The following POM121 variants were observed in gnomAD, a reference collection of about 807,000 sequenced individuals.
POM121 encodes POM121 transmembrane nucleoporin.
In POM121, 32 loss-of-function variants were observed where a neutral mutation model predicts 81.3. The observed-to-expected ratio is 0.39, with a 90% CI of 0.30 to 0.53. The LOEUF is 0.53. Ranked by LOEUF, POM121 falls within the 20% of genes least tolerant of loss-of-function variation. The probability of loss-of-function intolerance (pLI) is 0.66; values close to 1 mark genes in which losing one functional copy is unlikely to be tolerated. For synonymous variants in POM121, 514 were observed against 694.2 expected, an observed-to-expected ratio of 0.74 and a Z score of 4.08; for missense variants, 1,138 against 1,614.6, an observed-to-expected ratio of 0.70 and a Z score of 5.06.
chr7:72,909,639 G>A (rs1179531281), intron 3 of POM121, among the ~76,000 whole-genome samples: 2 of 152,120 alleles, frequency 1.3e-5, no homozygotes, highest in Non-Finnish European at 2.9e-5. Flanking sequence ...GCAACCCAGA[G>A]GCCAATTTGT....
upstream of POM121, among the ~76,000 whole-genome samples, chr7:72,922,019 C>T (rs571757225): frequency 4.7e-4 from 72 of 152,248 alleles, 1 homozygote; most frequent in Non-Finnish European, 8.2e-4. Flanking sequence ...ATATCCACAA[C>T]GGCATGAGTT....
upstream of POM121, chr7:72,924,414 A>C (rs1286492480): frequency 6.6e-6 from 1 of 152,226 alleles, no homozygotes; most frequent in African/African-American, 2.4e-5. Context: ...TTGGCAGACT[A>C]CCAGACTTTT....
chr7:72,925,115 A>T lies in POM121; in HGVS notation c.-7A>T. ...TATTTAAGTCTCCTCCGCGGCGCGG[A>T]GCCGCGATGTCTCCGGCGGCTGCGG... is the stretch of plus-strand genomic sequence containing the variant. On this transcript the variant is annotated 5_prime_UTR_variant, in exon 1 of 13. Transcript: ENST00000434423. The T allele has an allele frequency of 7.1e-7, 1 of 1,402,468 alleles. No individual in the cohort carries two copies. The highest frequency in any genetic ancestry group is 9.2e-7 in the Non-Finnish European group (1 of 1,089,980). 86.9% of individuals were successfully genotyped at this position (1,402,468 alleles called of 1,614,324 possible). A position where few individuals can be genotyped will look rare whatever the true frequency, so the allele number is the denominator to read the frequency against.
rs1184581226 is a variant in POM121 at position 72,926,650 on chromosome 7, A to G, written c.861-152A>G. On this transcript the variant is annotated intron_variant, in intron 2 of 12. Coordinates refer to ENST00000434423, the MANE Select transcript of POM121 (RefSeq NM_001387691.1). ...TTTTTCACTTTTTGCTCTTAACGAA[A>G]AAGTAGCTTTACTTGCTAACGGGAA... The G allele has an allele frequency of 4.5e-5, 66 of 1,470,008 alleles. No individual in the cohort carries two copies. The African/African-American group carries it at 5.8e-4, about 13-fold the overall frequency. 91.1% of individuals were successfully genotyped at this position (1,470,008 alleles called of 1,614,324 possible). A position where few individuals can be genotyped will look rare whatever the true frequency, so the allele number is the denominator to read the frequency against.
Position 72,930,060 on chromosome 7 carries a change from C to T in POM121, c.1224C>T (p.Ser408=). ...TGAYASGIPS[S]SRNAITSSYS... Reference sequence around the variant, plus strand: ...CTTACGCAAGTGGCATCCCTAGCTCCAGCCGCAATGCCATTACCAGTTCCT... The same window carrying T: ...CTTACGCAAGTGGCATCCCTAGCTCTAGCCGCAATGCCATTACCAGTTCCT... The change falls in exon 5 of 13, where the codon TCC becomes TCT. Residue 408 remains serine (S), a synonymous_variant. Transcript: ENST00000434423. 6 of 1,613,982 alleles carry T rather than the reference C, an allele frequency of 3.7e-6. No homozygotes were observed. Among genetic ancestry groups the T allele is most frequent in the Non-Finnish European group, 5.1e-6 (6 of 1,179,862 alleles).
chr7:72,899,019 G>C lies in POM121; in HGVS notation c.-216+7909G>C, dbSNP rs1314967938. 3.1e-5 allele frequency among the ~76,000 whole-genome samples: 3 copies of C among 97,952 alleles called. No individual in the cohort carries two copies. In the East Asian group the frequency reaches 1.1e-3, roughly 35 times the overall value. The allele number at this position is 97,952 out of a possible 152,430, so 64.3% of individuals were successfully genotyped here. A position where few individuals can be genotyped will look rare whatever the true frequency, so the allele number is the denominator to read the frequency against. On this transcript the variant is annotated intron_variant, in intron 3 of 15. Transcript: ENST00000395270. ...TTTTTTTTTTTTAGACAGAGTCTCT[G>C]TTGCCCAGGTTGGGGTGGAGTTGTG...
intron 3 of POM121, among the ~76,000 whole-genome samples, chr7:72,898,492 A>T (rs1554492054): frequency 6.6e-6 from 1 of 152,116 alleles, no homozygotes; most frequent in Non-Finnish European, 1.5e-5. Flanking sequence ...TGAGATTGAG[A>T]TGAAGATAAA....
intron 4 of POM121, among the ~76,000 whole-genome samples, chr7:72,915,001 C>T (rs1794162636): frequency 6.6e-6 from 1 of 152,182 alleles, no homozygotes; most frequent in Admixed American, 6.5e-5. Flanking sequence ...TTATTCCCTC[C>T]ACCTCTGCAG....
chr7:72,928,438 A>T lies in POM121; in HGVS notation c.1076A>T (p.Asn359Ile). The T allele has an allele frequency of 1.2e-6, 2 of 1,614,254 alleles. No individual in the cohort carries two copies. The highest frequency in any genetic ancestry group is 8.5e-7 in the Non-Finnish European group (1 of 1,180,034). ...TCAGCATTTGAGCCCCTGGTGGCCAATGGAGTCCCCGCTTCTTTTGTGCCT... is the reference window on the plus strand; with the variant it reads ...TCAGCATTTGAGCCCCTGGTGGCCATTGGAGTCCCCGCTTCTTTTGTGCCT... ...GHSAFEPLVA[N>I]GVPASFVPKP... The change falls in exon 4 of 13, where the codon AAT (asparagine) becomes ATT (isoleucine). Residue 359 changes from asparagine (N) to isoleucine (I), a missense_variant. Physicochemically the swap from Asn to Ile is moderately radical, Grantham distance 149 (BLOSUM62 -3). Transcript: ENST00000434423.
chr7:72,881,739 C>G lies in POM121; in HGVS notation c.-521+1854C>G, dbSNP rs142907582. Among the ~76,000 whole-genome samples, 596 of 152,036 alleles carry G rather than the reference C, an allele frequency of 3.9e-3. 1 individual carries two copies. Among genetic ancestry groups the G allele is most frequent in the African/African-American group, 0.014 (561 of 41,470 alleles). On this transcript the variant is annotated intron_variant, in intron 1 of 15. Coordinates refer to the POM121 transcript ENST00000395270. ...TCACCTCCTGGGTTCAAGTGATTGT[C>G]CTGCCTCAGCCTCCTGAGTAGCAGG... is the stretch of plus-strand genomic sequence containing the variant.
intron 3 of POM121, among the ~76,000 whole-genome samples, chr7:72,906,190 A>G (rs1793217831): frequency 6.6e-6 from 1 of 152,206 alleles, no homozygotes; most frequent in South Asian, 2.1e-4. Context: ...GGTGAGGCAG[A>G]GGAGGATTTT....
intron 1 of POM121, among the ~76,000 whole-genome samples, chr7:72,887,534 C>T (rs1790844977): frequency 6.6e-6 from 1 of 152,164 alleles, no homozygotes; most frequent in Admixed American, 6.6e-5. Context: ...TTGGAAACCA[C>T]TGCTTCAGCC....
chr7:72,927,106 C>G (rs1205978876), intron 3 of POM121, 143 bp downstream of exon 3: 1 of 1,363,460 alleles, frequency 7.3e-7, no homozygotes, highest in Non-Finnish European at 1.0e-6. Flanking sequence ...ATGGAGGAAT[C>G]TAATAACAAG....
chr7:72,950,324 C>T (rs1177777947), downstream of POM121: 11 of 907,732 alleles, frequency 1.2e-5, no homozygotes, highest in East Asian at 2.7e-5. Context: ...TAAGGGAATC[C>T]GGGATCCGCA....
chr7:72,903,061 T>G (rs1554492934), intron 3 of POM121, among the ~76,000 whole-genome samples: 2 of 152,190 alleles, frequency 1.3e-5, no homozygotes, highest in African/African-American at 4.8e-5. Context: ...GTTTGTAATT[T>G]TTTTTTGAAA....
At chr7:72,893,990 G>A (rs576455138) in intron 3 of POM121, among the ~76,000 whole-genome samples, 4 of 152,148 alleles carry the variant, frequency 2.6e-5, no homozygotes, top group African/African-American at 7.2e-5. Context: ...ACAAGGTCTC[G>A]GCCGGGCATG....
At chr7:72,896,772 C>G (rs1330406473) in intron 3 of POM121, among the ~76,000 whole-genome samples, 1 of 151,978 alleles carries the variant, frequency 6.6e-6, no homozygotes, top group Non-Finnish European at 1.5e-5. Context: ...TGTTCATTTC[C>G]TACTTCTATT....
At position 72,917,299 on chromosome 7, in the gene POM121, G is replaced by A. The variant is rs545933874; in HGVS notation, c.-152+3471G>A. The stretch of plus-strand genomic sequence containing the variant: ...GAAAACACCTCTCCCAGTCTTTGAA[G>A]TTTGCCTTTGCACCACAGCTTTTCT... On this transcript the variant is annotated intron_variant, in intron 4 of 15. Coordinates refer to the POM121 transcript ENST00000395270. Among the ~76,000 whole-genome samples, 21 of 152,338 alleles carry A rather than the reference G, an allele frequency of 1.4e-4. No individual in the cohort carries two copies. In the South Asian group the frequency reaches 4.1e-3, roughly 30 times the overall value.
At chr7:72,938,260 T>G (rs1460764760) in intron 5 of POM121, among the ~76,000 whole-genome samples, 1 of 151,470 alleles carries the variant, frequency 6.6e-6, no homozygotes, top group Non-Finnish European at 1.5e-5. Flanking sequence ...AGGGTCTCAC[T>G]CTGTCACCCA....
Sources: gnomAD v4.1 joint callset for allele counts (sites outside exome capture counted in the v4.1 genomes callset) on GRCh38, gnomAD v4.1.1 for gene constraint, MANE v1.5 for transcripts, NCBI Gene and HGNC (gene_info 2026-07-23, HGNC 2026-07-21) for gene names.